The following RPH3A variants were observed in gnomAD, a reference collection of about 807,000 sequenced individuals.
RPH3A encodes the protein rabphilin 3A, also known as rabphilin-3A.
In RPH3A, 48 loss-of-function variants were observed where a neutral mutation model predicts 102.2. That is an observed-to-expected ratio of 0.47 (90% CI 0.37 to 0.60). The LOEUF (loss-of-function observed/expected upper bound fraction) is 0.60, where lower values mean the gene tolerates loss of function less well. Ranked by LOEUF, RPH3A falls within the 20% of genes least tolerant of loss-of-function variation. The pLI, the probability that RPH3A is intolerant of heterozygous loss-of-function variation, is 0.00. For synonymous variants in RPH3A, 310 were observed against 324.3 expected, an observed-to-expected ratio of 0.96 and a Z score of 0.47; for missense variants, 781 against 910.1, an observed-to-expected ratio of 0.86 and a Z score of 1.83.
intron 1 of RPH3A, among the ~76,000 whole-genome samples, chr12:112,622,038 C>T (rs1237399065): frequency 1.3e-5 from 2 of 150,556 alleles, no homozygotes; most frequent in African/African-American, 2.5e-5. Context: ...AAAGGACATC[C>T]ACACCGAAAA....
intron 1 of RPH3A, among the ~76,000 whole-genome samples, chr12:112,766,023 A>T (rs541316588): frequency 6.6e-6 from 1 of 152,266 alleles, no homozygotes; most frequent in East Asian, 1.9e-4. Flanking sequence ...TTCTCTTTAG[A>T]TAGATGCCAT....
intron 1 of RPH3A, among the ~76,000 whole-genome samples, chr12:112,740,115 C>A (rs144420367): frequency 6.6e-6 from 1 of 152,052 alleles, no homozygotes; most frequent in Non-Finnish European, 1.5e-5. Context: ...TGATTTTGAC[C>A]GAGACACCAG....
Position 112,690,542 on chromosome 12 carries a change from A to T in RPH3A, c.-139-101601A>T, listed in dbSNP as rs182592293. On this transcript the variant is annotated intron_variant, in intron 1 of 21. Transcript: ENST00000543106. ...TCCAGTCTGAATCTTGGAGTCTTAT[A>T]TCCCTCTGACCACATGGGACAGGTG... Among the ~76,000 whole-genome samples the T allele has an allele frequency of 4.8e-3, 736 of 152,324 alleles. 4 individuals carry two copies. The highest frequency in any genetic ancestry group is 0.017 in the African/African-American group (690 of 41,562).
chr12:112,854,404 G>A (rs1462302218), intron 5 of RPH3A, among the ~76,000 whole-genome samples: 1 of 152,252 alleles, frequency 6.6e-6, no homozygotes, highest in African/African-American at 2.4e-5. Flanking sequence ...CCAGCACTGT[G>A]CTCAGAGCTT....
intron 1 of RPH3A, among the ~76,000 whole-genome samples, chr12:112,729,182 AG>A (rs1297247865): frequency 6.6e-6 from 1 of 151,464 alleles, no homozygotes; most frequent in African/African-American, 2.4e-5. Context: ...TCTGTCACCC[AG>A]GCTGGAGTGT....
intron 7 of RPH3A, among the ~76,000 whole-genome samples, chr12:112,867,480 A>C (rs895280763): frequency 2.0e-5 from 3 of 152,132 alleles, no homozygotes; most frequent in Non-Finnish European, 4.4e-5. Flanking sequence ...GCAGGAAAGC[A>C]TTGGCACACT....
At chr12:112,648,399 G>A (rs1352413435) in intron 1 of RPH3A, among the ~76,000 whole-genome samples, 1 of 150,280 alleles carries the variant, frequency 6.7e-6, no homozygotes, top group Non-Finnish European at 1.5e-5. Context: ...GTTTGCTTTC[G>A]ACTTAGGGTT....
chr12:112,585,822 T>C (rs558344341), intron 1 of RPH3A, among the ~76,000 whole-genome samples: 5 of 152,278 alleles, frequency 3.3e-5, no homozygotes, highest in African/African-American at 1.2e-4. Flanking sequence ...ACACCTCTAA[T>C]CCTGATGTTG....
chr12:112,868,096 C>T (rs1447074378), intron 7 of RPH3A: 2 of 232,824 alleles, frequency 8.6e-6, no homozygotes, highest in Non-Finnish European at 1.7e-5. Flanking sequence ...GAGCATGCCA[C>T]ATTTAAGAGA....
rs1324935262 is a variant in RPH3A at position 112,713,026 on chromosome 12, T to TTCCTCTTCC, written c.-139-79115_-139-79114insCTCTTCCTC. Among the ~76,000 whole-genome samples the TTCCTCTTCC allele has an allele frequency of 3.6e-3, 248 of 69,098 alleles. 12 individuals carry two copies. The highest frequency in any genetic ancestry group is 0.016 in the Middle Eastern group (3 of 184). 45.3% of individuals were successfully genotyped at this position (69,098 alleles called of 152,430 possible). A position where few individuals can be genotyped will look rare whatever the true frequency, so the allele number is the denominator to read the frequency against. On this transcript the variant is annotated intron_variant, in intron 1 of 21. Transcript: ENST00000543106. ...CTTCCTCTTCCTCTTCCTCTTCCTC[T>TTCCTCTTCC]TCTTCTTCTTCTTCTTCTTCTTCTC...
At position 112,872,640 on chromosome 12, in the gene RPH3A, G is replaced by T. The variant is rs553957914; in HGVS notation, c.797-2444G>T. 3.8e-4 allele frequency among the ~76,000 whole-genome samples: 58 copies of T among 152,266 alleles called. 1 individual carries two copies. In the Middle Eastern group the frequency reaches 0.014, roughly 36 times the overall value. ...TCATTGCCTAATCTAAGATCATGAA[G>T]AAGTTCCTTTATGTTTTCTTCTAAG... On this transcript the variant is annotated intron_variant, in intron 10 of 21. Coordinates refer to ENST00000389385, the MANE Select transcript of RPH3A (RefSeq NM_001143854.2).
At chr12:112,827,205 T>A (rs2041892524) in intron 2 of RPH3A, among the ~76,000 whole-genome samples, 1 of 152,208 alleles carries the variant, frequency 6.6e-6, no homozygotes. Context: ...AAAGAAACGC[T>A]GCACCCCAGC....
chr12:112,694,820 A>T (rs1343396140), intron 1 of RPH3A, among the ~76,000 whole-genome samples: 2 of 152,206 alleles, frequency 1.3e-5, no homozygotes, highest in Non-Finnish European at 2.9e-5. Flanking sequence ...AAAACAGGAG[A>T]TAATGCCAAC....
chr12:112,885,294 A>G (rs1032913722), intron 16 of RPH3A, among the ~76,000 whole-genome samples: 2 of 152,228 alleles, frequency 1.3e-5, no homozygotes, highest in African/African-American at 2.4e-5. Context: ...CCAGTTTTCC[A>G]TAGTGGCTGT....
chr12:112,587,356 G>GA (rs2039446706), intron 1 of RPH3A, among the ~76,000 whole-genome samples: 1 of 152,238 alleles, frequency 6.6e-6, no homozygotes, highest in African/African-American at 2.4e-5. Context: ...TTCTGAGAGT[G>GA]AAAGTATCAC....
chr12:112,788,360 G>C (rs1163359795), upstream of RPH3A, among the ~76,000 whole-genome samples: 2 of 152,268 alleles, frequency 1.3e-5, no homozygotes, highest in African/African-American at 4.8e-5. Context: ...TGAAACCAGA[G>C]TGGAGGGTCA....
At chr12:112,760,219 G>A (rs73198750) in intron 1 of RPH3A, among the ~76,000 whole-genome samples, 12,477 of 152,198 alleles carry the variant, frequency 0.082, 690 homozygotes, top group Non-Finnish European at 0.13. Context: ...CCAAAATTGC[G>A]TTCATGGAGA....
intron 1 of RPH3A, among the ~76,000 whole-genome samples, chr12:112,786,518 AT>A (rs994455587): frequency 2.0e-5 from 3 of 152,168 alleles, no homozygotes; most frequent in African/African-American, 7.2e-5. Context: ...TGACAGTAGC[AT>A]TTCCCTGGAG....
chr12:112,894,613 A>G lies in RPH3A; in HGVS notation c.1811A>G (p.His604Arg). ...LKPDMGKKAK[H>R]KTQIKKKTLN... is the part of the protein sequence containing the mutation. ...CCGGACATGGGAAAGAAGGCCAAAC[A>G]CAAGACTCAAATTAAAAAGAAAACC... The change falls in exon 20 of 22, where the codon CAC (histidine) becomes CGC (arginine). Residue 604 changes from histidine (H) to arginine (R), a missense_variant. Physicochemically the swap from His to Arg is conservative, Grantham distance 29. Around this residue, in one of 2 missense-constraint regions of RPH3A, gnomAD observed 730 missense variants for 810.0 expected, o/e 0.90. Coordinates refer to ENST00000389385, the MANE Select transcript of RPH3A (RefSeq NM_001143854.2). 1 of 1,614,036 alleles carries G rather than the reference A, an allele frequency of 6.2e-7. No individual in the cohort carries two copies. Among genetic ancestry groups the G allele is most frequent in the Non-Finnish European group, 8.5e-7 (1 of 1,179,988 alleles).
Sources: allele counts gnomAD v4.1 joint callset (sites outside exome capture counted in the v4.1 genomes callset), GRCh38; gene constraint gnomAD v4.1.1; regional missense constraint gnomAD v4.1.1; transcripts MANE v1.5; gene names NCBI Gene and HGNC (gene_info 2026-07-23, HGNC 2026-07-21).